MED13L: variants seen among roughly 807,000 people sequenced by gnomAD.
MED13L encodes mediator of RNA polymerase II transcription subunit 13-like.
A neutral mutation model predicts 220.9 loss-of-function variants in MED13L; 7 were observed. The ratio of observed to expected loss-of-function variants is 0.03; its 90% confidence interval spans 0.02 to 0.06. The LOEUF (loss-of-function observed/expected upper bound fraction) is 0.06. MED13L is among the 10% of genes least tolerant of loss of function. The pLI is 1.00. For missense variants in MED13L, 1,965 were observed against 2,760.5 expected (o/e 0.71, Z 6.46); for synonymous variants, 1,011 against 1,015.2 (o/e 1.00, Z 0.08).
At chr12:116,152,896 T>C (rs756794278) in intron 2 of MED13L, among the ~76,000 whole-genome samples, 2 of 151,922 alleles carry the variant, frequency 1.3e-5, no homozygotes, top group Non-Finnish European at 2.9e-5. Flanking sequence ...TAATATTCTA[T>C]CTAGATTTTC....
chr12:115,982,314 G>C, intron 22 of MED13L, 70 bp downstream of exon 22: 1 of 1,446,154 alleles, frequency 6.9e-7, no homozygotes, highest in Non-Finnish European at 9.7e-7. Flanking sequence ...AAAATCATAG[G>C]CCTGTATTTA....
At chr12:116,137,224 T>C (rs1231626016) in intron 2 of MED13L, among the ~76,000 whole-genome samples, 2 of 152,102 alleles carry the variant, frequency 1.3e-5, no homozygotes, top group African/African-American at 4.8e-5. Context: ...AGATGAATGA[T>C]GATGTAGTGA....
intron 14 of MED13L, among the ~76,000 whole-genome samples, chr12:115,997,752 T>C (rs1014294312): frequency 6.6e-6 from 1 of 152,210 alleles, no homozygotes; most frequent in Admixed American, 6.5e-5. Context: ...AACTTCTTGA[T>C]GCTTTATGGT....
chr12:116,007,569 G>A lies in MED13L; in HGVS notation c.2080C>T (p.His694Tyr). Reference protein sequence around the residue: ...QDKQPQLQPLHFLDPLPLSQQ... With the variant: ...QDKQPQLQPLYFLDPLPLSQQ... ...GATAGAGGCAATGGGTCAAGGAAGT[G>A]GAGTGGCTGCAACTGGGGCTGTTTG... Residue 694 changes from histidine (H) to tyrosine (Y), a missense_variant, in exon 11 of 31, where the codon CAC (histidine) becomes TAC (tyrosine). His to Tyr is a moderately conservative substitution (Grantham distance 83). Coordinates refer to ENST00000281928, the MANE Select transcript of MED13L (RefSeq NM_015335.5). The A allele has an allele frequency of 6.2e-7, 1 of 1,613,188 alleles. No individual in the cohort carries two copies.
At chr12:116,036,429 AG>A (rs1881199204) in intron 4 of MED13L, among the ~76,000 whole-genome samples, 1 of 152,252 alleles carries the variant, frequency 6.6e-6, no homozygotes, top group Admixed American at 6.5e-5. Context: ...CTAGTGCTCC[AG>A]ATCATTTTAT....
intron 2 of MED13L, among the ~76,000 whole-genome samples, chr12:116,192,104 A>G (rs1035747348): frequency 6.6e-6 from 1 of 152,214 alleles, no homozygotes; most frequent in Non-Finnish European, 1.5e-5. Flanking sequence ...AAACAATTAA[A>G]AGAGAGCAAT....
At chr12:116,061,360 C>T (rs1255764502) in intron 4 of MED13L, among the ~76,000 whole-genome samples, 3 of 151,946 alleles carry the variant, frequency 2.0e-5, no homozygotes, top group Non-Finnish European at 2.9e-5. Context: ...AATAAATTCT[C>T]AATTTCTCAA....
At chr12:116,050,792 A>G (rs1592987939) in intron 4 of MED13L, among the ~76,000 whole-genome samples, 1 of 152,254 alleles carries the variant, frequency 6.6e-6, no homozygotes, top group East Asian at 1.9e-4. Context: ...CAAAAAAATC[A>G]GCCAGGCGTG....
At chr12:116,134,409 AT>A (rs1358474284) in intron 2 of MED13L, among the ~76,000 whole-genome samples, 1 of 152,118 alleles carries the variant, frequency 6.6e-6, no homozygotes, top group Non-Finnish European at 1.5e-5. Flanking sequence ...TAATAAGAAA[AT>A]TTTTATGAGA....
At chr12:116,023,217 G>C (rs1336794163) in intron 4 of MED13L, among the ~76,000 whole-genome samples, 2 of 152,104 alleles carry the variant, frequency 1.3e-5, no homozygotes, top group Non-Finnish European at 2.9e-5. Context: ...GATCGCTTGA[G>C]CCCAAGGGTT....
At chr12:116,149,411 GATA>G (rs1877854925) in intron 2 of MED13L, among the ~76,000 whole-genome samples, 1 of 152,272 alleles carries the variant, frequency 6.6e-6, no homozygotes, top group Admixed American at 6.5e-5. Flanking sequence ...GCATGGTTTA[GATA>G]ATATGTTTGA....
intron 2 of MED13L, among the ~76,000 whole-genome samples, chr12:116,126,602 C>T (rs941141103): frequency 6.6e-6 from 1 of 152,060 alleles, no homozygotes; most frequent in African/African-American, 2.4e-5. Flanking sequence ...CAAATAAATA[C>T]AAAGAGTTTG....
At chr12:116,180,932 T>TC (rs1491225017) in intron 2 of MED13L, among the ~76,000 whole-genome samples, 5 of 9,142 alleles carry the variant, frequency 5.5e-4, no homozygotes, top group South Asian at 2.4e-3. Context: ...TCTCTCTCTC[T>TC]TTTTTTTTTT....
At chr12:116,229,469 A>T (rs1049833275) in intron 2 of MED13L, among the ~76,000 whole-genome samples, 2 of 152,186 alleles carry the variant, frequency 1.3e-5, no homozygotes, top group African/African-American at 4.8e-5. Context: ...TTTTCATATC[A>T]TTAGAACATA....
chr12:116,172,511 G>T (rs901198344), intron 2 of MED13L, among the ~76,000 whole-genome samples: 1 of 152,132 alleles, frequency 6.6e-6, no homozygotes, highest in Non-Finnish European at 1.5e-5. Flanking sequence ...TACAGAAAAT[G>T]CAAGTATATT....
At chr12:115,972,694 A>G (rs561349325) in intron 25 of MED13L, among the ~76,000 whole-genome samples, 1 of 152,344 alleles carries the variant, frequency 6.6e-6, no homozygotes, top group East Asian at 1.9e-4. Context: ...TGAAAGTCAA[A>G]CAGCAGCAGA....
chr12:116,053,486 G>T (rs991752334), intron 4 of MED13L, among the ~76,000 whole-genome samples: 1 of 152,118 alleles, frequency 6.6e-6, no homozygotes, highest in Non-Finnish European at 1.5e-5. Flanking sequence ...TAGAAAGGAA[G>T]GCTATCCAGG....
intron 4 of MED13L, among the ~76,000 whole-genome samples, chr12:116,065,889 C>T (rs573173608): frequency 6.6e-6 from 1 of 152,350 alleles, no homozygotes; most frequent in East Asian, 1.9e-4. Context: ...AGTTGCTCTA[C>T]TGCAGCACTG....
chr12:116,109,407 G>T (rs1272823275), intron 3 of MED13L, among the ~76,000 whole-genome samples: 1 of 151,724 alleles, frequency 6.6e-6, no homozygotes, highest in Non-Finnish European at 1.5e-5. Flanking sequence ...CAGTTTTTCT[G>T]CTCTTCTAAT....
Sources: gnomAD v4.1 joint callset for allele counts (sites outside exome capture counted in the v4.1 genomes callset) on GRCh38, gnomAD v4.1.1 for gene constraint, MANE v1.5 for transcripts, NCBI Gene and HGNC (gene_info 2026-07-23, HGNC 2026-07-21) for gene names.